CEBPZ: variants seen among roughly 807,000 people sequenced by gnomAD.
CEBPZ encodes the protein CCAAT enhancer binding protein zeta, also known as CCAAT/enhancer-binding protein zeta.
Under a neutral mutation model 104.5 loss-of-function variants are expected in CEBPZ, and 78 were observed. That is an observed-to-expected ratio of 0.75 (90% confidence interval 0.62 to 0.90). The LOEUF is 0.90. CEBPZ is among the 40% of genes least tolerant of loss of function. CEBPZ has a pLI of 0.00. For synonymous variants in CEBPZ, 470 were observed against 427.0 expected, an observed-to-expected ratio of 1.10 and a Z score of -1.24; for missense variants, 1,439 against 1,233.5, an observed-to-expected ratio of 1.17 and a Z score of -2.50.
chr2:37,215,654 T>C (rs1558472916), intron 8 of CEBPZ: 1 of 153,450 alleles, frequency 6.5e-6, no homozygotes, highest in African/African-American at 2.4e-5. Context: ...CTGCTTTGAA[T>C]ACAACAACAG....
chr2:37,216,222 T>C lies in CEBPZ; in HGVS notation c.2312-14A>G. On this transcript the variant is annotated splice_polypyrimidine_tract_variant and intron_variant, in intron 7 of 15. Transcript: ENST00000234170. The stretch of plus-strand genomic sequence containing the variant: ...TATCTGTGTTTTCTGAAATGTAAAA[T>C]TATGACAGTATAATGCAAAACCTAG... The C allele has an allele frequency of 6.2e-7, 1 of 1,611,280 alleles. No individual in the cohort carries two copies. Among genetic ancestry groups the C allele is most frequent in the Non-Finnish European group, 8.5e-7 (1 of 1,178,432 alleles).
At chr2:37,227,364 T>C (rs1011107311) in intron 2 of CEBPZ, among the ~76,000 whole-genome samples, 180 bp downstream of exon 2, 8 of 152,212 alleles carry the variant, frequency 5.3e-5, no homozygotes, top group African/African-American at 1.9e-4. Context: ...CTAATATAAT[T>C]TGTGCCCATC....
At position 37,216,866 on chromosome 2, in the gene CEBPZ, G is replaced by C. The variant is rs114840547; in HGVS notation, c.2208+118C>G. 10 of 811,942 alleles carry C rather than the reference G, an allele frequency of 1.2e-5. No individual in the cohort carries two copies. The African/African-American group carries it at 1.7e-4, about 14-fold the overall frequency. The allele number at this position is 811,942 out of a possible 1,614,324, so 50.3% of individuals were successfully genotyped here. On this transcript the variant is annotated intron_variant, in intron 6 of 15. Transcript: ENST00000234170. The stretch of plus-strand genomic sequence containing the variant: ...GAAACAAGTCACTGCTTCTTTATAC[G>C]AGCAGTAAAATGTACAAGATTCTCT...
Position 37,202,762 on chromosome 2 carries a change from TAAAA to T in CEBPZ, c.3025+18_3025+21del. The T allele has an allele frequency of 7.0e-7, 1 of 1,428,564 alleles. No homozygotes were observed. The highest frequency in any genetic ancestry group is 9.4e-7 in the Non-Finnish European group (1 of 1,060,898). 88.5% of individuals were successfully genotyped at this position (1,428,564 alleles called of 1,614,324 possible). ...GCCAAAGCTATTTTTAAAACATCAA[TAAAA>T]AAATTTAAGTTACTTACTTGCATTA... On this transcript the variant is annotated intron_variant, in intron 15 of 15. Transcript: ENST00000234170.
chr2:37,210,652 A>G (rs927242030), intron 13 of CEBPZ: 11 of 176,378 alleles, frequency 6.2e-5, no homozygotes, highest in Admixed American at 1.2e-4. Flanking sequence ...GGATAAGAGT[A>G]CACATTGGGT....
intron 8 of CEBPZ, among the ~76,000 whole-genome samples, chr2:37,215,723 GCT>G (rs1483092640): frequency 6.6e-6 from 1 of 152,104 alleles, no homozygotes; most frequent in East Asian, 1.9e-4. Context: ...TTAAAATGAT[GCT>G]CTGTGACAAA....
At chr2:37,205,049 A>T (rs1558466814) in intron 13 of CEBPZ, among the ~76,000 whole-genome samples, 1 of 152,242 alleles carries the variant, frequency 6.6e-6, no homozygotes, top group Non-Finnish European at 1.5e-5. Flanking sequence ...ACATGATCTT[A>T]GATACTCAAG....
At chr2:37,215,723 G>C (rs1178156913) in intron 8 of CEBPZ, among the ~76,000 whole-genome samples, 1 of 152,104 alleles carries the variant, frequency 6.6e-6, no homozygotes, top group Admixed American at 6.5e-5. Context: ...TTAAAATGAT[G>C]CTCTGTGACA....
At chr2:37,220,539 G>T (rs1664747853) in intron 4 of CEBPZ, 66 bp from the exon 5 acceptor site, 2 of 760,458 alleles carry the variant, frequency 2.6e-6, no homozygotes, top group Non-Finnish European at 2.1e-6. Flanking sequence ...GTCATTAAAA[G>T]CACCACCATT....
Position 37,217,033 on chromosome 2 carries a change from G to A in CEBPZ, c.2159C>T (p.Ser720Phe). The change falls in exon 6 of 16, where the codon TCT (serine) becomes TTT (phenylalanine). Residue 720 changes from serine to phenylalanine, a missense_variant. By Grantham distance (155) the Ser-to-Phe change is radical. Coordinates refer to ENST00000234170, the MANE Select transcript of CEBPZ (RefSeq NM_005760.3). The stretch of plus-strand genomic sequence containing the variant: ...GGCCACGGAGGGATGAAAATGCACA[G>A]ATAACTAAAAAGAAAAATGTGAATA... ...NTSLWELKKL[S>F]VHFHPSVALF... The A allele has an allele frequency of 9.3e-6, 15 of 1,611,546 alleles. No homozygotes were observed. Among genetic ancestry groups the A allele is most frequent in the Non-Finnish European group, 1.2e-5 (14 of 1,177,742 alleles).
At chr2:37,227,272 C>G (rs570503442) in intron 2 of CEBPZ, among the ~76,000 whole-genome samples, 7 of 152,256 alleles carry the variant, frequency 4.6e-5, no homozygotes, top group African/African-American at 1.7e-4. Flanking sequence ...TTCTGAAATA[C>G]TAGGTGGTAG....
chr2:37,230,343 A>G (rs1189124359), intron 1 of CEBPZ, among the ~76,000 whole-genome samples: 1 of 152,250 alleles, frequency 6.6e-6, no homozygotes, highest in Non-Finnish European at 1.5e-5. Flanking sequence ...TCCCTGAAAG[A>G]TATAAAATGC....
chr2:37,214,489 A>G (rs542020303), intron 9 of CEBPZ, among the ~76,000 whole-genome samples: 2 of 152,252 alleles, frequency 1.3e-5, no homozygotes, highest in Non-Finnish European at 2.9e-5. Context: ...TCTATATTAA[A>G]GGTAGATTTT....
intron 5 of CEBPZ, among the ~76,000 whole-genome samples, chr2:37,219,012 A>G (rs1664702782): frequency 6.6e-6 from 1 of 152,244 alleles, no homozygotes; most frequent in African/African-American, 2.4e-5. Context: ...AGTTTTACAA[A>G]TTGAGAAACT....
chr2:37,215,981 T>C (rs1677857632), intron 8 of CEBPZ, 159 bp downstream of exon 8: 2 of 479,168 alleles, frequency 4.2e-6, no homozygotes, highest in Non-Finnish European at 7.2e-6. Flanking sequence ...CCCAGTCAGA[T>C]ACAGTAGATT....
intron 12 of CEBPZ, chr2:37,211,350 G>A (rs954494985): frequency 7.0e-6 from 2 of 287,524 alleles, no homozygotes; most frequent in African/African-American, 4.4e-5. Context: ...CTTAAAACAA[G>A]AAACTTCTGC....
chr2:37,208,730 AACAAG>A (rs1171081256), intron 13 of CEBPZ: 1 of 152,166 alleles, frequency 6.6e-6, no homozygotes, highest in African/African-American at 2.4e-5. Context: ...TGAGAACTGG[AACAAG>A]ACAAGGATGC....
intron 2 of CEBPZ, among the ~76,000 whole-genome samples, chr2:37,227,015 G>C (rs1664902031): frequency 6.6e-6 from 1 of 152,102 alleles, no homozygotes; most frequent in Admixed American, 6.5e-5. Context: ...ATATGAATGT[G>C]AGCGCCTCCA....
chr2:37,204,478 A>T (rs144338497), intron 13 of CEBPZ: 1 of 137,100 alleles, frequency 7.3e-6, no homozygotes, highest in Non-Finnish European at 1.6e-5. Flanking sequence ...GGGTTTCATC[A>T]TGTTGGCCAG....
Sources: allele counts gnomAD v4.1 joint callset (sites outside exome capture counted in the v4.1 genomes callset), GRCh38; gene constraint gnomAD v4.1.1; transcripts MANE v1.5; gene names NCBI Gene and HGNC (gene_info 2026-07-23, HGNC 2026-07-21).